The following TYW1 variants were observed in gnomAD, a reference collection of about 807,000 sequenced individuals.
The protein encoded by TYW1 is S-adenosyl-L-methionine-dependent tRNA 4-demethylwyosine synthase TYW1.
TYW1 carries 46 observed loss-of-function variants against 96.2 expected under a neutral mutation model. The observed-to-expected ratio is 0.48, with a 90% CI of 0.38 to 0.61. The LOEUF (loss-of-function observed/expected upper bound fraction) is 0.61. Ranked by LOEUF, TYW1 falls within the 20% of genes least tolerant of loss-of-function variation. The pLI is 0.00. For synonymous variants in TYW1, 274 were observed against 323.0 expected, an observed-to-expected ratio of 0.85 and a Z score of 1.63; for missense variants, 684 against 909.6, an observed-to-expected ratio of 0.75 and a Z score of 3.19.
chr7:67,085,524 A>C (rs143246472), intron 11 of TYW1, among the ~76,000 whole-genome samples: 1,638 of 152,294 alleles, frequency 0.011, 10 homozygotes, highest in Non-Finnish European at 0.017. Flanking sequence ...CTGCGAATCA[A>C]TTAAACCTCT....
chr7:67,164,416 C>T (rs1325679143), intron 13 of TYW1, among the ~76,000 whole-genome samples: 1 of 151,528 alleles, frequency 6.6e-6, no homozygotes, highest in Non-Finnish European at 1.5e-5. Context: ...TCGAGACAAG[C>T]CTGGGCAACA....
At chr7:67,022,760 T>G (rs1415546318) in intron 6 of TYW1, among the ~76,000 whole-genome samples, 3 of 152,162 alleles carry the variant, frequency 2.0e-5, no homozygotes, top group East Asian at 3.8e-4. Flanking sequence ...AAGAACACAT[T>G]CATACACTTA....
rs945039733 is a variant in TYW1, at chr7:67,024,759, C to T, written c.862-141C>T. On this transcript the variant is annotated intron_variant, in intron 6 of 15. Transcript: ENST00000359626. ...TGACGCCACTGTGCTCCAGCCTGGGCGACAGAGCGAGACCCTGTCTCAAAG... is the reference window on the plus strand; with the variant it reads ...TGACGCCACTGTGCTCCAGCCTGGGTGACAGAGCGAGACCCTGTCTCAAAG... 2.4e-5 allele frequency: 32 copies of T among 1,322,844 alleles called. No homozygotes were observed. The Admixed American group carries it at 4.0e-4, about 17-fold the overall frequency. The allele number at this position is 1,322,844 out of a possible 1,614,324, so 81.9% of individuals were successfully genotyped here. A position where few individuals can be genotyped will look rare whatever the true frequency, so the allele number is the denominator to read the frequency against.
intron 13 of TYW1, among the ~76,000 whole-genome samples, chr7:67,136,533 A>G (rs1453063519): frequency 6.6e-6 from 1 of 152,152 alleles, no homozygotes; most frequent in Non-Finnish European, 1.5e-5. Flanking sequence ...TGTAATTAAT[A>G]ATGTGACATT....
At chr7:67,041,403 A>T (rs1399878809) in intron 7 of TYW1, among the ~76,000 whole-genome samples, 1 of 151,946 alleles carries the variant, frequency 6.6e-6, no homozygotes, top group Non-Finnish European at 1.5e-5. Context: ...TCCCGGGTTC[A>T]TGCAATTCTG....
chr7:67,071,491 C>T (rs1477944241), intron 10 of TYW1, among the ~76,000 whole-genome samples: 2 of 150,848 alleles, frequency 1.3e-5, no homozygotes, highest in East Asian at 1.9e-4. Flanking sequence ...CTTGCTCTGT[C>T]ACCCAGGCTG....
At chr7:67,222,162 A>G (rs1350347956) in intron 15 of TYW1, among the ~76,000 whole-genome samples, 2 of 152,248 alleles carry the variant, frequency 1.3e-5, no homozygotes. Context: ...GCACCACTAC[A>G]CTCCAGTCTG....
chr7:67,130,936 C>T (rs1466950239), intron 13 of TYW1, among the ~76,000 whole-genome samples: 9 of 152,118 alleles, frequency 5.9e-5, no homozygotes, highest in Admixed American at 5.9e-4. Flanking sequence ...GAAAAGTCCC[C>T]TAGGGAAGGC....
At chr7:67,224,171 A>T (rs1270216163) in intron 15 of TYW1, among the ~76,000 whole-genome samples, 2 of 152,244 alleles carry the variant, frequency 1.3e-5, no homozygotes, top group East Asian at 3.8e-4. Flanking sequence ...CTGGTTGCCC[A>T]GGCTGGAGTG....
chr7:67,054,628 G>A (rs878962792), intron 8 of TYW1, among the ~76,000 whole-genome samples: 4 of 152,216 alleles, frequency 2.6e-5, no homozygotes, highest in Admixed American at 2.6e-4. Flanking sequence ...AATCATCACA[G>A]TATGAATATG....
chr7:66,997,279 C>G (rs1793201329), intron 1 of TYW1, among the ~76,000 whole-genome samples: 1 of 151,740 alleles, frequency 6.6e-6, no homozygotes, highest in South Asian at 2.1e-4. Context: ...GAAATTGCTC[C>G]CAGGTTGAAC....
At chr7:67,221,749 A>G (rs1158290266) in intron 15 of TYW1, among the ~76,000 whole-genome samples, 3 of 152,204 alleles carry the variant, frequency 2.0e-5, no homozygotes, top group Admixed American at 1.3e-4. Context: ...CTTCAACAGC[A>G]TACAAAACTA....
intron 13 of TYW1, among the ~76,000 whole-genome samples, chr7:67,159,552 T>A (rs1173097951): frequency 6.6e-6 from 1 of 152,054 alleles, no homozygotes; most frequent in Non-Finnish European, 1.5e-5. Context: ...TACAGCTGAC[T>A]TTCTGTAAGT....
intron 11 of TYW1, among the ~76,000 whole-genome samples, chr7:67,086,072 C>CT (rs1006594639): frequency 4.6e-5 from 7 of 151,754 alleles, no homozygotes; most frequent in Non-Finnish European, 5.9e-5. Context: ...GATAGGCTGA[C>CT]TTTTTTTTGT....
chr7:67,144,009 A>G (rs549729524), intron 13 of TYW1, among the ~76,000 whole-genome samples: 86 of 152,228 alleles, frequency 5.6e-4, no homozygotes, highest in Non-Finnish European at 1.1e-3. Flanking sequence ...AACAAAATCT[A>G]TGATAACATT....
chr7:67,094,601 T>C (rs1796829776), intron 11 of TYW1, among the ~76,000 whole-genome samples: 1 of 151,910 alleles, frequency 6.6e-6, no homozygotes, highest in Admixed American at 6.6e-5. Flanking sequence ...TTCACGTAAC[T>C]TACACTTTCG....
chr7:67,097,524 G>A (rs1038161833), intron 11 of TYW1, among the ~76,000 whole-genome samples: 16 of 152,010 alleles, frequency 1.1e-4, no homozygotes, highest in Non-Finnish European at 1.9e-4. Context: ...TCAGCCTCCC[G>A]AGTAGCTGGG....
chr7:67,123,766 C>T (rs937290569), intron 13 of TYW1, among the ~76,000 whole-genome samples: 12 of 152,216 alleles, frequency 7.9e-5, no homozygotes, highest in Non-Finnish European at 1.5e-4. Context: ...GATAAAGATA[C>T]TGGTTGAATT....
intron 13 of TYW1, among the ~76,000 whole-genome samples, chr7:67,168,990 G>C (rs1410116205): frequency 2.2e-5 from 3 of 137,994 alleles, no homozygotes; most frequent in Non-Finnish European, 3.1e-5. Context: ...GGGATTATAG[G>C]TGTGAGCACT....
Sources: allele counts gnomAD v4.1 joint callset (sites outside exome capture counted in the v4.1 genomes callset), GRCh38; gene constraint gnomAD v4.1.1; transcripts MANE v1.5; gene names NCBI Gene and HGNC (gene_info 2026-07-23, HGNC 2026-07-21).